The following FOXK1 variants were observed in gnomAD, a reference collection of about 807,000 sequenced individuals.
FOXK1 encodes forkhead box protein K1.
A neutral mutation model predicts 51.9 loss-of-function variants in FOXK1; 19 were observed. The observed-to-expected ratio is 0.37, with a 90% CI of 0.26 to 0.54. The LOEUF (loss-of-function observed/expected upper bound fraction) is 0.54, where lower values mean the gene tolerates loss of function less well. Ranked by LOEUF, FOXK1 falls within the 20% of genes least tolerant of loss-of-function variation. FOXK1 has a pLI of 0.87. For synonymous variants in FOXK1, 537 were observed against 482.6 expected (o/e 1.11, Z -1.48); for missense variants, 870 against 1,032.7 (o/e 0.84, Z 2.16).
chr7:4,719,120 G>T (rs1346766400), intron 1 of FOXK1, among the ~76,000 whole-genome samples: 9 of 147,154 alleles, frequency 6.1e-5, no homozygotes, highest in African/African-American at 2.0e-4. Context: ...TGTTTTTTTT[G>T]TTTTTTTTTT....
rs1780935432 is a variant in FOXK1, at chr7:4,761,765, C to T, written c.1922-419C>T. On this transcript the variant is annotated intron_variant, in intron 8 of 8. Transcript: ENST00000328914. The surrounding 1 kb of genome is among the most constrained non-coding windows in gnomAD (Gnocchi z 6.2). ...ACCCAGATCTGCCCACTCTCTGGAG[C>T]TCACACTCCATGGGGTGAGGCAAGA... Among the ~76,000 whole-genome samples the T allele has an allele frequency of 6.6e-6, 1 of 152,190 alleles. No homozygotes were observed. The highest frequency in any genetic ancestry group is 1.9e-4 in the East Asian group (1 of 5,174).
chr7:4,705,785 C>T (rs1020837260), intron 1 of FOXK1, among the ~76,000 whole-genome samples: 1 of 150,988 alleles, frequency 6.6e-6, no homozygotes, highest in African/African-American at 2.4e-5. Context: ...GACCCCCCCC[C>T]GCCTCAGCCT....
intron 1 of FOXK1, among the ~76,000 whole-genome samples, chr7:4,684,459 G>C (rs993544015): frequency 6.6e-6 from 1 of 152,216 alleles, no homozygotes; most frequent in Non-Finnish European, 1.5e-5. Context: ...TGGGGCGTGA[G>C]AGGGGAAGTA....
At chr7:4,687,040 C>T (rs1297285048) in intron 1 of FOXK1, among the ~76,000 whole-genome samples, 1 of 151,420 alleles carries the variant, frequency 6.6e-6, no homozygotes, top group African/African-American at 2.4e-5. Context: ...TCACACCATT[C>T]TCCTGCCTCA....
intron 1 of FOXK1, among the ~76,000 whole-genome samples, chr7:4,726,281 G>T (rs1473979619): frequency 6.6e-6 from 1 of 152,188 alleles, no homozygotes; most frequent in Non-Finnish European, 1.5e-5. Context: ...CAGACCGTCT[G>T]TTGGAGCTGG....
At chr7:4,757,659 A>C (rs11975377) in intron 5 of FOXK1, among the ~76,000 whole-genome samples, 28 of 146,762 alleles carry the variant, frequency 1.9e-4, no homozygotes, top group African/African-American at 6.5e-4. Context: ...AAAAAAAAAA[A>C]AAAAAGTAAT....
intron 1 of FOXK1, among the ~76,000 whole-genome samples, chr7:4,688,213 T>C (rs1012536551): frequency 4.7e-5 from 7 of 150,158 alleles, no homozygotes; most frequent in Admixed American, 4.0e-4. Context: ...ACAGATGTCA[T>C]CTTACTTTGT....
rs1781081577 is a variant in FOXK1 at position 4,770,375 on chromosome 7, C to G, written c.*7911C>G. 6.6e-6 allele frequency: 1 copy of G among 152,038 alleles called. No individual in the cohort carries two copies. Among genetic ancestry groups the G allele is most frequent in the Non-Finnish European group, 1.5e-5 (1 of 68,020 alleles). The allele number at this position is 152,038 out of a possible 1,614,324, so 9.4% of individuals were successfully genotyped here. A position where few individuals can be genotyped will look rare whatever the true frequency, so the allele number is the denominator to read the frequency against. The stretch of plus-strand genomic sequence containing the variant: ...TGAAATCCTGTCTCTACTAAAAATA[C>G]AAAAAATTAGCCAGGCGTGGTGGCG... On this transcript the variant is annotated 3_prime_UTR_variant, in exon 9 of 9. Transcript: ENST00000328914.
Position 4,743,879 on chromosome 7 carries a change from C to CT in FOXK1, c.746+2871dup, listed in dbSNP as rs34815763. 8.8e-4 allele frequency among the ~76,000 whole-genome samples: 121 copies of CT among 136,874 alleles called. No individual in the cohort carries two copies. The highest frequency in any genetic ancestry group is 1.6e-3 in the African/African-American group (62 of 38,260). The allele number at this position is 136,874 out of a possible 152,430, so 89.8% of individuals were successfully genotyped here. ...AGGTTGTAATCCAGCTAAACAGAAG[C>CT]TTTTTTTTTTTTTTTGAGACGGAGT... On this transcript the variant is annotated intron_variant, in intron 2 of 8. Transcript: ENST00000328914. The surrounding 1 kb of genome is among the most constrained non-coding windows in gnomAD (Gnocchi z 5.3).
intron 1 of FOXK1, among the ~76,000 whole-genome samples, chr7:4,704,955 C>T (rs1407583164): frequency 6.6e-6 from 1 of 151,606 alleles, no homozygotes; most frequent in African/African-American, 2.4e-5. Flanking sequence ...CCTCAGCCTC[C>T]CGAGTAGCTG....
intron 1 of FOXK1, among the ~76,000 whole-genome samples, chr7:4,721,351 C>A (rs528741012): frequency 6.6e-6 from 1 of 152,174 alleles, no homozygotes; most frequent in Non-Finnish European, 1.5e-5. Context: ...AATGGTGCAA[C>A]CTTCTGATGA....
intron 1 of FOXK1, among the ~76,000 whole-genome samples, chr7:4,688,072 AC>A (rs751495633): frequency 3.5e-4 from 54 of 152,214 alleles, no homozygotes; most frequent in Non-Finnish European, 6.5e-4. Context: ...ACAATTTCAA[AC>A]ATAGACATAG....
intron 1 of FOXK1, among the ~76,000 whole-genome samples, chr7:4,704,412 C>T (rs1354101625): frequency 6.9e-6 from 1 of 144,436 alleles, no homozygotes; most frequent in Non-Finnish European, 1.5e-5. Flanking sequence ...GATCACGCCA[C>T]TGCACTCCAG....
rs930330389 is a variant in FOXK1 at position 4,767,686 on chromosome 7, C to T, written c.*5222C>T. The T allele has an allele frequency of 6.6e-6, 1 of 152,146 alleles. No homozygotes were observed. The highest frequency in any genetic ancestry group is 2.4e-5 in the African/African-American group (1 of 41,388). 9.4% of individuals were successfully genotyped at this position (152,146 alleles called of 1,614,324 possible). On this transcript the variant is annotated 3_prime_UTR_variant, in exon 9 of 9. Coordinates refer to ENST00000328914, the MANE Select transcript of FOXK1 (RefSeq NM_001037165.2). The surrounding 1 kb of genome is among the most constrained non-coding windows in gnomAD (Gnocchi z 6.6). ...TTTTAGATTGTTTTCCTGCATCTTA[C>T]AATTTCCTTTTCTTTTCAAAGTTCC...
Position 4,755,323 on chromosome 7 carries a change from G to A in FOXK1, c.990G>A (p.Gly330=). The change falls in exon 4 of 9, where the codon GGG becomes GGA. Residue 330 remains glycine (G), a synonymous_variant. Coordinates refer to ENST00000328914, the MANE Select transcript of FOXK1 (RefSeq NM_001037165.2). This position sits in a 1 kb window ranked among gnomAD's most constrained non-coding sequence, Gnocchi z 6.6. ...SAQDRQLTLS[G]IYAHITKHYP... is the part of the protein sequence containing the mutation. ...AGGACCGGCAGCTGACCCTGAGCGG[G>A]ATCTACGCCCACATCACCAAGCATT... The A allele has an allele frequency of 6.2e-7, 1 of 1,613,862 alleles. No individual in the cohort carries two copies. Among genetic ancestry groups the A allele is most frequent in the Non-Finnish European group, 8.5e-7 (1 of 1,180,034 alleles).
At position 4,685,301 on chromosome 7, in the gene FOXK1, A is replaced by G. The variant is rs138581836; in HGVS notation, c.560+2433A>G. ...AGTGCAGTGGCTCACTGCAAACTCT[A>G]CCTCCCGGGTTCAAGAGATTCTCCT... On this transcript the variant is annotated intron_variant, in intron 1 of 8. Coordinates refer to ENST00000328914, the MANE Select transcript of FOXK1 (RefSeq NM_001037165.2). Among the ~76,000 whole-genome samples the G allele has an allele frequency of 1.1e-3, 155 of 134,938 alleles. 2 individuals carry two copies. Among genetic ancestry groups the G allele is most frequent in the African/African-American group, 3.5e-3 (124 of 35,038 alleles). The allele number at this position is 134,938 out of a possible 152,430, so 88.5% of individuals were successfully genotyped here.
At chr7:4,713,130 C>T (rs77539982) in intron 1 of FOXK1, among the ~76,000 whole-genome samples, 2 of 152,186 alleles carry the variant, frequency 1.3e-5, no homozygotes, top group African/African-American at 4.8e-5. Context: ...AAAAAGAATT[C>T]TTTTCCTGCC....
chr7:4,726,657 C>G (rs1780384932), intron 1 of FOXK1, among the ~76,000 whole-genome samples: 1 of 151,668 alleles, frequency 6.6e-6, no homozygotes, highest in African/African-American at 2.4e-5. Context: ...CTTGGAGGTG[C>G]CTGAGTCCAG....
chr7:4,747,186 C>T lies in FOXK1; in HGVS notation c.746+6163C>T, dbSNP rs898206596. Among the ~76,000 whole-genome samples, 1 of 152,166 alleles carries T rather than the reference C, an allele frequency of 6.6e-6. No homozygotes were observed. The highest frequency in any genetic ancestry group is 1.5e-5 in the Non-Finnish European group (1 of 68,024). The stretch of plus-strand genomic sequence containing the variant: ...CTAGCGCCCGACTTCTCAGGTCAGC[C>T]TCGGGTGACAAGCGGCTTGTGTGGA... On this transcript the variant is annotated intron_variant, in intron 2 of 8. Coordinates refer to ENST00000328914, the MANE Select transcript of FOXK1 (RefSeq NM_001037165.2). This position sits in a 1 kb window ranked among gnomAD's most constrained non-coding sequence, Gnocchi z 9.2.
Sources: gnomAD v4.1 joint callset for allele counts (sites outside exome capture counted in the v4.1 genomes callset) on GRCh38, gnomAD v4.1.1 for gene constraint, Gnocchi (gnomAD v3.1) non-coding constraint, MANE v1.5 for transcripts, NCBI Gene and HGNC (gene_info 2026-07-23, HGNC 2026-07-21) for gene names.